AGBL1: variants seen among roughly 807,000 people sequenced by gnomAD.
The protein encoded by AGBL1 is AGBL carboxypeptidase 1, also known as cytosolic carboxypeptidase 4.
In AGBL1, 130 loss-of-function variants were observed where a neutral mutation model predicts 118.9. The observed-to-expected ratio is 1.09, with a 90% CI of 0.95 to 1.26. The LOEUF (loss-of-function observed/expected upper bound fraction) is 1.26. AGBL1 is among the 50% of genes most tolerant of loss of function. The pLI, the probability that AGBL1 is intolerant of heterozygous loss-of-function variation, is 0.00. For missense variants in AGBL1, 1,584 were observed against 1,298.1 expected (o/e 1.22, Z -3.38); for synonymous variants, 555 against 478.9 (o/e 1.16, Z -2.08).
chr15:86,997,774 G>T (rs988907285), intron 24 of AGBL1, among the ~76,000 whole-genome samples: 4 of 151,596 alleles, frequency 2.6e-5, no homozygotes, highest in East Asian at 1.9e-4. Flanking sequence ...TTTTAAAAGA[G>T]ACTTAATGGA....
At chr15:86,691,874 T>A (rs2086178303) in intron 22 of AGBL1, among the ~76,000 whole-genome samples, 1 of 152,104 alleles carries the variant, frequency 6.6e-6, no homozygotes, top group African/African-American at 2.4e-5. Context: ...CTGGACTGGA[T>A]TTATTTTTTT....
intron 21 of AGBL1, among the ~76,000 whole-genome samples, chr15:86,639,819 T>G (rs896256018): frequency 6.6e-6 from 1 of 152,134 alleles, no homozygotes; most frequent in African/African-American, 2.4e-5. Context: ...GGGAAACCCA[T>G]GTATATTAAT....
intron 23 of AGBL1, among the ~76,000 whole-genome samples, chr15:86,982,246 T>C (rs962253458): frequency 6.6e-6 from 1 of 152,282 alleles, no homozygotes; most frequent in African/African-American, 2.4e-5. Flanking sequence ...TTGTCAAATA[T>C]GCACATTTCC....
chr15:86,342,221 G>A (rs2080471927), intron 17 of AGBL1, among the ~76,000 whole-genome samples: 1 of 152,118 alleles, frequency 6.6e-6, no homozygotes, highest in Non-Finnish European at 1.5e-5. Flanking sequence ...TTTACAGGAT[G>A]AACATTTGGG....
chr15:87,021,049 C>T (rs2081659419), intron 24 of AGBL1, among the ~76,000 whole-genome samples: 1 of 151,990 alleles, frequency 6.6e-6, no homozygotes, highest in African/African-American at 2.4e-5. Context: ...CAAGATGATC[C>T]TAAGCAAAAA....
chr15:86,651,265 C>T (rs1011406191), intron 21 of AGBL1, among the ~76,000 whole-genome samples: 18 of 152,052 alleles, frequency 1.2e-4, no homozygotes, highest in Admixed American at 7.9e-4. Flanking sequence ...GCAGGGGTCA[C>T]GTTTTGAGAA....
chr15:86,114,158 A>G (rs537517115), intron 1 of AGBL1, among the ~76,000 whole-genome samples: 1 of 152,232 alleles, frequency 6.6e-6, no homozygotes, highest in Admixed American at 6.5e-5. Context: ...TTGTTGAACA[A>G]TCCAATTAAG....
intron 5 of AGBL1, among the ~76,000 whole-genome samples, chr15:86,171,979 G>A (rs2077422584): frequency 6.6e-6 from 1 of 152,188 alleles, no homozygotes; most frequent in African/African-American, 2.4e-5. Context: ...TCGTAAGTGG[G>A]AGCCAAGCTG....
intron 17 of AGBL1, among the ~76,000 whole-genome samples, chr15:86,379,213 G>T (rs975266709): frequency 1.3e-5 from 2 of 151,250 alleles, no homozygotes; most frequent in South Asian, 2.1e-4. Context: ...GTGCCTGGCC[G>T]GTCACTTTAG....
chr15:86,115,001 C>T (rs1321754927), intron 1 of AGBL1, among the ~76,000 whole-genome samples: 5 of 152,186 alleles, frequency 3.3e-5, no homozygotes, highest in African/African-American at 1.2e-4. Context: ...ATTGTGGCTG[C>T]TAGTGGTGCT....
chr15:86,746,177 G>A (rs566270200), intron 22 of AGBL1, among the ~76,000 whole-genome samples: 5 of 151,984 alleles, frequency 3.3e-5, no homozygotes, highest in Non-Finnish European at 5.9e-5. Context: ...GTTATGTTTC[G>A]CTCTTATTGA....
rs966186225 is a variant in AGBL1, at chr15:86,777,276, A to G, written c.3158+102840A>G. ...CTGTACCATCCAGGTTAAAATATTG[A>G]CATTTCGTTAATATTTATAATTACT... On this transcript the variant is annotated intron_variant, in intron 22 of 22. Coordinates refer to ENST00000614907, the MANE Select transcript of AGBL1 (RefSeq NM_001386094.1). Among the ~76,000 whole-genome samples, 9 of 152,202 alleles carry G rather than the reference A, an allele frequency of 5.9e-5. 1 individual carries two copies. In the East Asian group the frequency reaches 1.7e-3, roughly 29 times the overall value.
intron 18 of AGBL1, among the ~76,000 whole-genome samples, chr15:86,504,625 C>T (rs1472500715): frequency 6.6e-6 from 1 of 151,434 alleles, no homozygotes; most frequent in African/African-American, 2.4e-5. Context: ...ATATAACAAT[C>T]TAGTCAGATT....
At chr15:86,657,235 T>C (rs2447284) in intron 21 of AGBL1, among the ~76,000 whole-genome samples, 65,411 of 152,046 alleles carry the variant, frequency 0.43, 14,939 homozygotes, top group Middle Eastern at 0.58. Context: ...CAATGCCAAC[T>C]GTACAAGTGC....
At chr15:86,351,248 G>A (rs1429834419) in intron 17 of AGBL1, among the ~76,000 whole-genome samples, 1 of 152,104 alleles carries the variant, frequency 6.6e-6, no homozygotes, top group African/African-American at 2.4e-5. Flanking sequence ...GAGGCAAAAG[G>A]GGGCTGAATT....
chr15:86,655,833 A>C (rs530835640), intron 21 of AGBL1, among the ~76,000 whole-genome samples: 1 of 152,292 alleles, frequency 6.6e-6, no homozygotes, highest in East Asian at 1.9e-4. Flanking sequence ...CATTATGAGG[A>C]AAGTCTAGCT....
At chr15:86,108,781 A>G (rs547771368) in intron 1 of AGBL1, among the ~76,000 whole-genome samples, 78 of 152,296 alleles carry the variant, frequency 5.1e-4, no homozygotes, top group African/African-American at 1.6e-3. Context: ...ACATGGTGAA[A>G]GCCTGTCTCT....
chr15:86,103,504 G>A (rs1896855585), intron 1 of AGBL1, among the ~76,000 whole-genome samples: 1 of 152,126 alleles, frequency 6.6e-6, no homozygotes, highest in Admixed American at 6.5e-5. Context: ...TGCTTTTGTA[G>A]GGGAGGGCTT....
rs752330973 is a variant in AGBL1, at chr15:86,701,302, T to C, written c.3158+26866T>C. Among the ~76,000 whole-genome samples the C allele has an allele frequency of 5.3e-5, 8 of 152,132 alleles. No homozygotes were observed. The South Asian group carries it at 8.3e-4, about 16-fold the overall frequency. ...AGAGTGGTGTGTGTTGGAGGTTTCA[T>C]TGGAGAGGGGAGGTGAAGGGTGAAA... On this transcript the variant is annotated intron_variant, in intron 22 of 22. Coordinates refer to ENST00000614907, the MANE Select transcript of AGBL1 (RefSeq NM_001386094.1).
Sources: allele counts gnomAD v4.1 joint callset (sites outside exome capture counted in the v4.1 genomes callset), GRCh38; gene constraint gnomAD v4.1.1; transcripts MANE v1.5; gene names NCBI Gene and HGNC (gene_info 2026-07-23, HGNC 2026-07-21).